ANO4: variants seen among roughly 807,000 people sequenced by gnomAD.
ANO4 encodes anoctamin 4, also known as anoctamin-4.
ANO4 carries 69 observed loss-of-function variants against 141.9 expected under a neutral mutation model. The ratio of observed to expected loss-of-function variants is 0.49; its 90% CI spans 0.40 to 0.59. ANO4 has a LOEUF of 0.59. Ranked by LOEUF, ANO4 falls within the 20% of genes least tolerant of loss-of-function variation. The pLI is 0.00. For missense variants in ANO4, 894 were observed against 1,162.2 expected (o/e 0.77, Z 3.36); for synonymous variants, 350 against 394.3 (o/e 0.89, Z 1.33).
chr12:100,895,146 A>AG (rs1047922637), intron 1 of ANO4, among the ~76,000 whole-genome samples: 1 of 119,180 alleles, frequency 8.4e-6, no homozygotes, highest in Admixed American at 1.0e-4. Flanking sequence ...TCCCTTCTAC[A>AG]GGTTTTTTTT....
chr12:100,970,149 T>A (rs2043852164), intron 5 of ANO4, among the ~76,000 whole-genome samples: 1 of 152,168 alleles, frequency 6.6e-6, no homozygotes, highest in South Asian at 2.1e-4. Flanking sequence ...CAATCTCACA[T>A]CTTTTGGCTC....
chr12:101,042,359 T>G lies in ANO4; in HGVS notation c.1045T>G (p.Leu349Val), dbSNP rs1283737482. The part of the protein sequence containing the change: ...VRRYFGEKIG[L>V]YFAWLGWYTG... ...GCGGTACTTTGGAGAGAAGATTGGG[T>G]TATATTTTGCCTGGTTGGGCTGGTA... is the stretch of plus-strand genomic sequence containing the variant. Residue 349 changes from leucine (L) to valine (V), a missense_variant, in exon 12 of 28, where the codon TTA becomes GTA. Around this residue, in one of 2 missense-constraint regions of ANO4, gnomAD observed 637 missense variants for 909.2 expected, o/e 0.70. Coordinates refer to ENST00000392977, the MANE Select transcript of ANO4 (RefSeq NM_001286615.2). 1 of 1,614,034 alleles carries G rather than the reference T, an allele frequency of 6.2e-7. No individual in the cohort carries two copies.
At chr12:100,900,251 C>T (rs1467013366) in intron 1 of ANO4, among the ~76,000 whole-genome samples, 1 of 151,930 alleles carries the variant, frequency 6.6e-6, no homozygotes, top group East Asian at 1.9e-4. Context: ...TTCCTTCTCT[C>T]TCTCTCCCTC....
chr12:101,079,145 G>T, intron 14 of ANO4, 48 bp from the exon 15 acceptor site: 1 of 1,532,232 alleles, frequency 6.5e-7, no homozygotes. Flanking sequence ...TAAGAGCCTT[G>T]TTTTACTTTT....
chr12:101,117,579 T>C (rs1229059690), intron 25 of ANO4, among the ~76,000 whole-genome samples: 1 of 152,346 alleles, frequency 6.6e-6, no homozygotes, highest in East Asian at 1.9e-4. Context: ...TTTTGTGGGC[T>C]CACACCTGTA....
At chr12:100,941,524 C>A (rs117563187) in intron 4 of ANO4, among the ~76,000 whole-genome samples, 1 of 152,230 alleles carries the variant, frequency 6.6e-6, no homozygotes, top group Non-Finnish European at 1.5e-5. Flanking sequence ...TATGCATTTT[C>A]ACTGCTGTAT....
chr12:100,968,507 C>CT (rs2043781421), intron 5 of ANO4, among the ~76,000 whole-genome samples: 2 of 152,082 alleles, frequency 1.3e-5, no homozygotes. Flanking sequence ...CAATTTTACT[C>CT]TTTCTCTCAT....
chr12:100,896,661 T>G (rs2040368836), intron 1 of ANO4, among the ~76,000 whole-genome samples: 1 of 152,192 alleles, frequency 6.6e-6, no homozygotes, highest in Non-Finnish European at 1.5e-5. Flanking sequence ...TATACCCACC[T>G]TTGGGAACAG....
chr12:100,928,233 G>A (rs1372544204), intron 3 of ANO4, among the ~76,000 whole-genome samples: 4 of 151,998 alleles, frequency 2.6e-5, no homozygotes. Flanking sequence ...GCAATTTTGT[G>A]GCTGACCTTT....
intron 3 of ANO4, among the ~76,000 whole-genome samples, chr12:100,925,496 G>C (rs2041826702): frequency 6.6e-6 from 1 of 151,444 alleles, no homozygotes; most frequent in Admixed American, 6.6e-5. Context: ...GTCCTGTCGG[G>C]GGGTGGGGGG....
chr12:100,724,311 C>T (rs895966026), intron 1 of ANO4, among the ~76,000 whole-genome samples: 3 of 152,136 alleles, frequency 2.0e-5, no homozygotes, highest in East Asian at 1.9e-4. Flanking sequence ...TGAAAGCTTA[C>T]GGGAGGCTTT....
chr12:100,992,288 C>T (rs1253257651), intron 8 of ANO4, among the ~76,000 whole-genome samples: 1 of 152,174 alleles, frequency 6.6e-6, no homozygotes, highest in Non-Finnish European at 1.5e-5. Context: ...TAAATGCCTA[C>T]CTGCACTGCC....
At chr12:100,970,984 G>A (rs2043910828) in intron 5 of ANO4, among the ~76,000 whole-genome samples, 1 of 152,170 alleles carries the variant, frequency 6.6e-6, no homozygotes, top group African/African-American at 2.4e-5. Context: ...CAAACTGCTG[G>A]GATTAAAGGC....
intron 27 of ANO4, among the ~76,000 whole-genome samples, chr12:101,127,507 T>G (rs892710560): frequency 6.6e-6 from 1 of 152,262 alleles, no homozygotes; most frequent in Non-Finnish European, 1.5e-5. Context: ...GCAACAGGGC[T>G]GTCCTGGGCT....
intron 1 of ANO4, among the ~76,000 whole-genome samples, chr12:100,841,063 C>T (rs2037220462): frequency 6.6e-6 from 1 of 151,964 alleles, no homozygotes; most frequent in Non-Finnish European, 1.5e-5. Flanking sequence ...GCAATGGGAA[C>T]ACCTTTAAAA....
intron 1 of ANO4, among the ~76,000 whole-genome samples, chr12:100,859,891 ATATC>A (rs1195330589): frequency 6.6e-6 from 1 of 152,136 alleles, no homozygotes; most frequent in Admixed American, 6.5e-5. Context: ...AATGTTGTTA[ATATC>A]TGTACCAAAT....
At chr12:100,860,654 T>C (rs1391448720) in intron 1 of ANO4, among the ~76,000 whole-genome samples, 1 of 152,206 alleles carries the variant, frequency 6.6e-6, no homozygotes, top group Non-Finnish European at 1.5e-5. Flanking sequence ...GTTCATTAAT[T>C]CATTCTCAAA....
At chr12:100,868,591 A>G (rs2038877164) in intron 1 of ANO4, among the ~76,000 whole-genome samples, 2 of 152,086 alleles carry the variant, frequency 1.3e-5, no homozygotes, top group Non-Finnish European at 2.9e-5. Flanking sequence ...TAACAAAGAC[A>G]CTGATTCCAT....
intron 1 of ANO4, among the ~76,000 whole-genome samples, chr12:100,841,991 A>T (rs987517916): frequency 6.7e-6 from 1 of 149,492 alleles, no homozygotes; most frequent in Non-Finnish European, 1.5e-5. Flanking sequence ...GGTGGGCCCA[A>T]CACTGGCACA....
Sources: gnomAD v4.1 joint callset for allele counts (sites outside exome capture counted in the v4.1 genomes callset) on GRCh38, gnomAD v4.1.1 for gene constraint, gnomAD v4.1.1 regional missense constraint, MANE v1.5 for transcripts, NCBI Gene and HGNC (gene_info 2026-07-23, HGNC 2026-07-21) for gene names.